SIK3: variants seen among roughly 807,000 people sequenced by gnomAD.
SIK3 encodes SIK family kinase 3.
Under a neutral mutation model 144.2 loss-of-function variants are expected in SIK3, and 28 were observed. The observed-to-expected ratio is 0.19, with a 90% CI of 0.14 to 0.27. The LOEUF is 0.27. Ranked by LOEUF, SIK3 falls within the 10% of genes least tolerant of loss-of-function variation. The probability of loss-of-function intolerance (pLI) is 1.00; values close to 1 mark genes in which losing one functional copy is unlikely to be tolerated. For missense variants in SIK3, 1,319 were observed against 1,776.0 expected (o/e 0.74, Z 4.62); for synonymous variants, 686 against 676.3 (o/e 1.01, Z -0.22).
intron 3 of SIK3, among the ~76,000 whole-genome samples, chr11:116,947,573 T>A (rs866114638): frequency 4.4e-4 from 33 of 75,536 alleles, no homozygotes; most frequent in Non-Finnish European, 1.2e-3. Flanking sequence ...GTATGTATTT[T>A]TTTTTTTTTT....
intron 1 of SIK3, among the ~76,000 whole-genome samples, chr11:117,077,663 T>C (rs1031438303): frequency 6.6e-6 from 1 of 152,138 alleles, no homozygotes; most frequent in African/African-American, 2.4e-5. Context: ...ATTGCTGTGC[T>C]GGGAGAGTTA....
intron 8 of SIK3, 104 bp from the exon 9 acceptor site, chr11:116,876,113 C>T: frequency 6.5e-7 from 1 of 1,532,336 alleles, no homozygotes. Flanking sequence ...TTCTTTCCTT[C>T]TTTCCAAGGC....
At chr11:117,018,797 C>T (rs1271859038) in intron 1 of SIK3, among the ~76,000 whole-genome samples, 3 of 151,992 alleles carry the variant, frequency 2.0e-5, no homozygotes, top group Non-Finnish European at 4.4e-5. Flanking sequence ...CTGAAACCTC[C>T]ACCTCCTGTG....
intron 1 of SIK3, among the ~76,000 whole-genome samples, chr11:116,958,862 C>T (rs1437623478): frequency 6.6e-6 from 1 of 152,208 alleles, no homozygotes; most frequent in South Asian, 2.1e-4. Context: ...AGCATCTGCT[C>T]CTGCTTCTCT....
chr11:117,005,600 T>A (rs1411074607), intron 1 of SIK3, among the ~76,000 whole-genome samples: 1 of 152,122 alleles, frequency 6.6e-6, no homozygotes, highest in Non-Finnish European at 1.5e-5. Flanking sequence ...ATTTAATAAC[T>A]CTGGAACTTC....
intron 1 of SIK3, among the ~76,000 whole-genome samples, chr11:116,965,771 ATATATATATAT>A (rs1180345897): frequency 5.1e-5 from 2 of 39,558 alleles, no homozygotes; most frequent in African/African-American, 2.0e-4. Flanking sequence ...ATATATATAT[ATATATATATAT>A]AAATTAGCCA....
intron 1 of SIK3, among the ~76,000 whole-genome samples, chr11:116,969,972 A>G (rs1429035586): frequency 6.6e-6 from 1 of 152,178 alleles, no homozygotes; most frequent in African/African-American, 2.4e-5. Flanking sequence ...CATCTATTAC[A>G]TGACTTGAAA....
chr11:117,024,707 C>A (rs1951937493), intron 1 of SIK3, among the ~76,000 whole-genome samples: 1 of 152,124 alleles, frequency 6.6e-6, no homozygotes, highest in African/African-American at 2.4e-5. Flanking sequence ...CAAGACCAGC[C>A]TGGGCAACAT....
chr11:117,014,140 C>T (rs1425874936), intron 1 of SIK3, among the ~76,000 whole-genome samples: 1 of 150,990 alleles, frequency 6.6e-6, no homozygotes, highest in African/African-American at 2.4e-5. Context: ...CCACCAGGCC[C>T]AGTCCAGTCA....
At chr11:117,023,528 C>T (rs1951861024) in intron 1 of SIK3, among the ~76,000 whole-genome samples, 1 of 148,722 alleles carries the variant, frequency 6.7e-6, no homozygotes, top group South Asian at 2.1e-4. Context: ...GTCTCAACCT[C>T]CCTGGTAGAT....
At chr11:117,013,972 C>CTTTTCTTTTTTTTT (rs1951409266) in intron 1 of SIK3, among the ~76,000 whole-genome samples, 1 of 27,058 alleles carries the variant, frequency 3.7e-5, no homozygotes, top group Admixed American at 6.2e-4. Flanking sequence ...TTTTTCTTTT[C>CTTTTCTTTTTTTTT]TTTTTTTTTT....
At chr11:116,949,724 G>A (rs980137694) in intron 3 of SIK3, among the ~76,000 whole-genome samples, 3 of 152,138 alleles carry the variant, frequency 2.0e-5, no homozygotes, top group African/African-American at 7.2e-5. Context: ...CATTTGGCCT[G>A]TTTCATGAAT....
chr11:117,068,191 G>A lies in SIK3; in HGVS notation c.273+29952C>T, dbSNP rs1565612192. Among the ~76,000 whole-genome samples the A allele has an allele frequency of 2.0e-5, 3 of 152,104 alleles. No individual in the cohort carries two copies. In the South Asian group the frequency reaches 6.2e-4, roughly 32 times the overall value. On this transcript the variant is annotated intron_variant, in intron 1 of 24. Coordinates refer to ENST00000445177, the MANE Select transcript of SIK3 (RefSeq NM_001366686.3). ...TAATAAATACTTAGGTAGCTTAAGG[G>A]TCAAAAATGGTTCCCCACACCCCAA... is the stretch of plus-strand genomic sequence containing the variant.
chr11:116,875,932 G>C lies in SIK3; in HGVS notation c.1173C>G (p.Thr391=). The C allele has an allele frequency of 6.2e-7, 1 of 1,613,212 alleles. No individual in the cohort carries two copies. The highest frequency in any genetic ancestry group is 8.5e-7 in the Non-Finnish European group (1 of 1,179,818). The part of the protein sequence containing the change: ...LLCDRHKRHK[T]LRLGALPSMP... ...TGCTAGGAAGTGCTCCGAGACGCAG[G>C]GTTTTATGTCTCTTATGTCGATCAC... The change falls in exon 9 of 25, where the codon ACC becomes ACG. Residue 391 remains threonine, a synonymous_variant. Transcript: ENST00000445177.
intron 3 of SIK3, among the ~76,000 whole-genome samples, chr11:116,933,763 T>C (rs913140621): frequency 5.3e-5 from 8 of 152,202 alleles, no homozygotes; most frequent in African/African-American, 1.7e-4. Context: ...TGCATTTCTA[T>C]GTAGCAGGGT....
intron 4 of SIK3, among the ~76,000 whole-genome samples, chr11:116,914,659 G>A (rs866769948): frequency 6.6e-6 from 1 of 152,166 alleles, no homozygotes; most frequent in East Asian, 1.9e-4. Flanking sequence ...CACTGGATGA[G>A]TTTTAAGGAA....
At chr11:117,000,104 A>T (rs1423392983) in intron 1 of SIK3, among the ~76,000 whole-genome samples, 1 of 152,142 alleles carries the variant, frequency 6.6e-6, no homozygotes, top group Non-Finnish European at 1.5e-5. Context: ...AATTTTTTTC[A>T]TTGTTGCTAA....
chr11:116,972,200 C>T (rs1429539698), intron 1 of SIK3, among the ~76,000 whole-genome samples: 1 of 152,074 alleles, frequency 6.6e-6, no homozygotes, highest in Non-Finnish European at 1.5e-5. Context: ...GAGACACCTA[C>T]CAATGAAGTT....
intron 1 of SIK3, among the ~76,000 whole-genome samples, chr11:117,007,874 A>G (rs1951108613): frequency 6.6e-6 from 1 of 152,064 alleles, no homozygotes; most frequent in South Asian, 2.1e-4. Flanking sequence ...ACCTGAGGTC[A>G]GGAGTTCGAG....
Sources: gnomAD v4.1 joint callset for allele counts (sites outside exome capture counted in the v4.1 genomes callset) on GRCh38, gnomAD v4.1.1 for gene constraint, MANE v1.5 for transcripts, NCBI Gene and HGNC (gene_info 2026-07-23, HGNC 2026-07-21) for gene names.